Variants in RIMBP2 observed in about 807,000 individuals in gnomAD.
RIMBP2 encodes RIMS-binding protein 2.
A neutral mutation model predicts 118.6 loss-of-function variants in RIMBP2; 48 were observed. That is an observed-to-expected ratio of 0.40 (90% confidence interval 0.32 to 0.51). RIMBP2 has a LOEUF of 0.51. Ranked by LOEUF, RIMBP2 falls within the 20% of genes least tolerant of loss-of-function variation. The pLI, the probability that RIMBP2 is intolerant of heterozygous loss-of-function variation, is 0.41. For synonymous variants in RIMBP2, 762 were observed against 742.9 expected (o/e 1.03, Z -0.42); for missense variants, 1,551 against 1,768.3 (o/e 0.88, Z 2.20).
intron 2 of RIMBP2, among the ~76,000 whole-genome samples, chr12:130,595,936 T>A (rs1252609174): frequency 6.6e-6 from 1 of 152,166 alleles, no homozygotes; most frequent in African/African-American, 2.4e-5. Flanking sequence ...CAGACAGAAA[T>A]CTAGCACTGA....
At chr12:130,530,588 G>T (rs1769013828) in intron 2 of RIMBP2, among the ~76,000 whole-genome samples, 2 of 152,252 alleles carry the variant, frequency 1.3e-5, no homozygotes, top group Non-Finnish European at 2.9e-5. Context: ...CTCTGAGCTT[G>T]CCAGCTGCTA....
At chr12:130,532,574 C>A (rs1426252759) in intron 2 of RIMBP2, among the ~76,000 whole-genome samples, 1 of 144,698 alleles carries the variant, frequency 6.9e-6, no homozygotes, top group Non-Finnish European at 1.5e-5. Flanking sequence ...TAATGAGATG[C>A]GTATGTTTAG....
At chr12:130,651,432 T>TG (rs1384122584) in intron 1 of RIMBP2, 1 of 152,242 alleles carries the variant, frequency 6.6e-6, no homozygotes, top group African/African-American at 2.4e-5. Flanking sequence ...GAGCCTGTGA[T>TG]GCGTATGTAT....
intron 22 of RIMBP2, chr12:130,399,155 T>C: frequency 7.2e-7 from 1 of 1,392,152 alleles, no homozygotes; most frequent in Non-Finnish European, 9.4e-7. Context: ...AAATGAACAC[T>C]CTTCTTCTGT....
intron 2 of RIMBP2, among the ~76,000 whole-genome samples, chr12:130,568,102 T>C (rs2057361175): frequency 6.6e-6 from 1 of 152,180 alleles, no homozygotes; most frequent in Non-Finnish European, 1.5e-5. Context: ...CCAGATTAGT[T>C]AAGGTTCTCT....
rs1174715690 is a variant in RIMBP2, at chr12:130,511,723, GACCTTTCATGAA to G, written c.-126-4965_-126-4954del. ...GGAGCAGAAATCTCTAGAGGACAATGACCTTTCATGAAACAGAGCTTCGTGAGAAAAGCTTCA... is the reference window on the plus strand; with the variant it reads ...GGAGCAGAAATCTCTAGAGGACAATGACAGAGCTTCGTGAGAAAAGCTTCA... On this transcript the variant is annotated intron_variant, in intron 3 of 22. Coordinates refer to ENST00000690449, the MANE Select transcript of RIMBP2 (RefSeq NM_001393629.1). The surrounding 1 kb of genome is among the most constrained non-coding windows in gnomAD (Gnocchi z 4.3). Among the ~76,000 whole-genome samples the G allele has an allele frequency of 2.6e-5, 4 of 152,178 alleles. No homozygotes were observed. Among genetic ancestry groups the G allele is most frequent in the African/African-American group, 9.7e-5 (4 of 41,448 alleles).
At chr12:130,406,017 A>C (rs1000308171) in intron 21 of RIMBP2, among the ~76,000 whole-genome samples, 155 bp downstream of exon 21, 2 of 152,222 alleles carry the variant, frequency 1.3e-5, no homozygotes, top group Admixed American at 1.3e-4. Flanking sequence ...TAACTCAGCA[A>C]AGTTCTATAA....
chr12:130,555,981 G>C (rs532232451), intron 2 of RIMBP2, among the ~76,000 whole-genome samples: 1 of 152,296 alleles, frequency 6.6e-6, no homozygotes, highest in East Asian at 1.9e-4. Context: ...GAACATCATG[G>C]TTGTCATGGC....
chr12:130,423,438 T>G (rs772938560), intron 16 of RIMBP2, among the ~76,000 whole-genome samples: 28 of 152,142 alleles, frequency 1.8e-4, no homozygotes, highest in Non-Finnish European at 3.7e-4. Context: ...CTCACCTGTG[T>G]TTTCAATGAA....
rs2062948623 is a variant in RIMBP2, at chr12:130,646,329, G to GCCTCTCCACCTC, written c.-351-17874_-351-17873insGAGGTGGAGAGG. The stretch of plus-strand genomic sequence containing the variant: ...TCCCTCACCACTTCCCTCTCCACCT[G>GCCTCTCCACCTC]CCTCACCACCTCCCTCACCACCTCC... On this transcript the variant is annotated intron_variant, in intron 1 of 22. Transcript: ENST00000690449. Among the ~76,000 whole-genome samples the GCCTCTCCACCTC allele has an allele frequency of 1.1e-3, 3 of 2,676 alleles. 1 individual carries two copies. The highest frequency in any genetic ancestry group is 3.6e-3 in the Admixed American group (1 of 278). The allele number at this position is 2,676 out of a possible 152,430, so 1.8% of individuals were successfully genotyped here.
At chr12:130,474,202 C>G (rs1400449785) in intron 5 of RIMBP2, among the ~76,000 whole-genome samples, 3 of 152,164 alleles carry the variant, frequency 2.0e-5, no homozygotes. Context: ...TTAGCCTCAG[C>G]CTCCTTATCC....
intron 2 of RIMBP2, among the ~76,000 whole-genome samples, chr12:130,544,005 T>A (rs994955239): frequency 2.0e-5 from 3 of 152,198 alleles, no homozygotes; most frequent in African/African-American, 7.2e-5. Flanking sequence ...CACCTTATGA[T>A]CACTCATCTT....
intron 1 of RIMBP2, among the ~76,000 whole-genome samples, chr12:130,639,676 G>A (rs1034295352): frequency 2.0e-5 from 3 of 152,056 alleles, no homozygotes; most frequent in Non-Finnish European, 4.4e-5. Context: ...CAGCTCGGGG[G>A]CTGGGACTAC....
rs1019332061 is a variant in RIMBP2 at position 130,434,972 on chromosome 12, G to A, written c.2107-92C>T. On this transcript the variant is annotated intron_variant, in intron 13 of 22. Transcript: ENST00000690449. This position sits in a 1 kb window ranked among gnomAD's most constrained non-coding sequence, Gnocchi z 5.7. ...CATTCACCAAACCTTCAGCCCCTCA[G>A]AGCCTGGCCAGGCACCCCCCACACA... is the stretch of plus-strand genomic sequence containing the variant. The A allele has an allele frequency of 3.6e-6, 5 of 1,400,948 alleles. No homozygotes were observed. Among genetic ancestry groups the A allele is most frequent in the Non-Finnish European group, 4.8e-6 (5 of 1,041,590 alleles). The allele number at this position is 1,400,948 out of a possible 1,614,324, so 86.8% of individuals were successfully genotyped here. A position where few individuals can be genotyped will look rare whatever the true frequency, so the allele number is the denominator to read the frequency against.
intron 12 of RIMBP2, among the ~76,000 whole-genome samples, 187 bp downstream of exon 12, chr12:130,438,177 TG>T (rs1357201671): frequency 6.6e-6 from 1 of 151,962 alleles, no homozygotes; most frequent in Non-Finnish European, 1.5e-5. Context: ...GGGAGCGAGA[TG>T]GGGGGAGTGC....
At chr12:130,467,563 G>C (rs2080595815) in intron 6 of RIMBP2, among the ~76,000 whole-genome samples, 1 of 152,184 alleles carries the variant, frequency 6.6e-6, no homozygotes. Context: ...GACTGATTGA[G>C]TAGTAATAAA....
At chr12:130,664,389 G>GCACGCACA (rs74184218) in intron 1 of RIMBP2, among the ~76,000 whole-genome samples, 15,904 of 73,924 alleles carry the variant, frequency 0.22, 1,023 homozygotes, top group Non-Finnish European at 0.31. Flanking sequence ...GCACGCGCAT[G>GCACGCACA]CACACACACG....
chr12:130,670,773 C>T lies in RIMBP2; in HGVS notation c.-351-42317G>A, dbSNP rs1389309897. Among the ~76,000 whole-genome samples, 1 of 152,074 alleles carries T rather than the reference C, an allele frequency of 6.6e-6. No homozygotes were observed. The highest frequency in any genetic ancestry group is 6.6e-5 in the Admixed American group (1 of 15,266). ...GAAGATTTAGGAAGACTTTTCTTTC[C>T]ATTTATTTATTTATTTATGAGATAC... On this transcript the variant is annotated intron_variant, in intron 1 of 22. Transcript: ENST00000690449. This position sits in a 1 kb window ranked among gnomAD's most constrained non-coding sequence, Gnocchi z 4.9.
At chr12:130,476,272 C>A (rs772167011) in intron 5 of RIMBP2, among the ~76,000 whole-genome samples, 1 of 152,176 alleles carries the variant, frequency 6.6e-6, no homozygotes, top group African/African-American at 2.4e-5. Context: ...GGTCCCGTGA[C>A]GGCAAGTTCA....
Sources: gnomAD v4.1 joint callset for allele counts (sites outside exome capture counted in the v4.1 genomes callset) on GRCh38, gnomAD v4.1.1 for gene constraint, Gnocchi (gnomAD v3.1) non-coding constraint, MANE v1.5 for transcripts, NCBI Gene and HGNC (gene_info 2026-07-23, HGNC 2026-07-21) for gene names.